Variants in MYNN observed in about 807,000 individuals in gnomAD.
MYNN encodes the protein zinc finger and BTB domain-containing protein 31.
MYNN carries 22 observed loss-of-function variants against 57.2 expected under a neutral mutation model. The ratio of observed to expected loss-of-function variants is 0.38; its 90% confidence interval spans 0.27 to 0.55. MYNN has a LOEUF of 0.55. Among genes scored for constraint, MYNN ranks in the 20% least tolerant of loss-of-function variants. The pLI, the probability that MYNN is intolerant of heterozygous loss-of-function variation, is 0.71. For synonymous variants in MYNN, 241 were observed against 257.1 expected (o/e 0.94, Z 0.60); for missense variants, 566 against 723.1 (o/e 0.78, Z 2.49).
intron 2 of MYNN, among the ~76,000 whole-genome samples, chr3:169,776,409 A>G (rs1360121739): frequency 6.6e-6 from 1 of 152,216 alleles, no homozygotes; most frequent in African/African-American, 2.4e-5. Flanking sequence ...GCTCTTGGAC[A>G]GGTTACTTTA....
In MYNN at chr3:169,786,733, A is replaced by T. The variant is rs1245277659; in HGVS notation, c.*55A>T. On this transcript the variant is annotated 3_prime_UTR_variant, in exon 8 of 8. Transcript: ENST00000349841. Reference sequence around the variant, plus strand: ...ATCATTGGTAGCAAACATCTCTGGTAAGGTGCATATATTCATATTAAATTC... The same window carrying T: ...ATCATTGGTAGCAAACATCTCTGGTTAGGTGCATATATTCATATTAAATTC... The T allele has an allele frequency of 6.5e-7, 1 of 1,536,236 alleles. No homozygotes were observed. The highest frequency in any genetic ancestry group is 8.9e-7 in the Non-Finnish European group (1 of 1,120,786).
intron 4 of MYNN, among the ~76,000 whole-genome samples, chr3:169,781,816 G>A (rs1778526418): frequency 2.0e-5 from 3 of 152,092 alleles, no homozygotes; most frequent in African/African-American, 7.2e-5. Flanking sequence ...GAGAAGAAAT[G>A]GAAGTAGATA....
Position 169,778,801 on chromosome 3 carries a change from CTA to C in MYNN, c.302_303del (p.Tyr101SerfsTer9). ...TTAAAGAAATTCATCAGGCTGCTGACTATCTCAAAGTGGAAGAGGTGGTCACT... is the reference window on the plus strand; with the variant it reads ...TTAAAGAAATTCATCAGGCTGCTGACTCTCAAAGTGGAAGAGGTGGTCACT... ...NVKEIHQAAD[Y>X]LKVEEVVTKC... On this transcript the variant is annotated frameshift_variant, in exon 3 of 8. Coordinates refer to ENST00000349841, the MANE Select transcript of MYNN (RefSeq NM_018657.5). LOFTEE classifies it high-confidence loss of function. The C allele has an allele frequency of 6.2e-7, 1 of 1,606,738 alleles. No homozygotes were observed. Among genetic ancestry groups the C allele is most frequent in the Non-Finnish European group, 8.5e-7 (1 of 1,177,124 alleles).
chr3:169,779,854 G>A (rs941023831), intron 3 of MYNN: 8 of 353,808 alleles, frequency 2.3e-5, no homozygotes, highest in Non-Finnish European at 3.1e-5. Flanking sequence ...AACTGATAAA[G>A]AGAAAATGTA....
rs951439969 is a variant in MYNN, at chr3:169,782,966, T to C, written c.1399+323T>C. On this transcript the variant is annotated intron_variant, in intron 5 of 7. Transcript: ENST00000349841. The surrounding 1 kb of genome is among the most constrained non-coding windows in gnomAD (Gnocchi z 4.8). ...CAGCTTCCTAAAGGGTCATCTCCTA[T>C]AGTTAGGGTTGGGGAGTGGGTTTGG... Among the ~76,000 whole-genome samples the C allele has an allele frequency of 6.6e-6, 1 of 152,146 alleles. No homozygotes were observed. Among genetic ancestry groups the C allele is most frequent in the African/African-American group, 2.4e-5 (1 of 41,452 alleles).
intron 3 of MYNN, 133 bp from the exon 4 acceptor site, chr3:169,780,457 G>C: frequency 1.7e-6 from 1 of 591,558 alleles, no homozygotes; most frequent in Admixed American, 3.8e-5. Flanking sequence ...GTCTGGAAAA[G>C]ATTATATTTG....
chr3:169,776,125 A>G (rs1173950201), intron 2 of MYNN, among the ~76,000 whole-genome samples: 2 of 152,242 alleles, frequency 1.3e-5, no homozygotes, highest in African/African-American at 2.4e-5. Flanking sequence ...AAACAAAAAA[A>G]TCTTCATTTG....
At chr3:169,781,227 C>T (rs1385922464) in intron 4 of MYNN, among the ~76,000 whole-genome samples, 1 of 152,136 alleles carries the variant, frequency 6.6e-6, no homozygotes, top group South Asian at 2.1e-4. Context: ...GGTTTTGGGC[C>T]TGAACCCCTA....
intron 3 of MYNN, 146 bp from the exon 4 acceptor site, chr3:169,780,444 G>T: frequency 2.1e-5 from 11 of 529,262 alleles, no homozygotes; most frequent in African/African-American, 1.4e-4. Flanking sequence ...GGTGTTTTCA[G>T]TGGTCTGGAA....
chr3:169,774,636 TC>T (rs760846648), intron 2 of MYNN, 75 bp downstream of exon 2: 32 of 1,371,472 alleles, frequency 2.3e-5, no homozygotes, highest in Non-Finnish European at 3.0e-5. Flanking sequence ...TTGTATTTTT[TC>T]CATTCATTCT....
At chr3:169,777,639 G>A (rs1778387878) in intron 2 of MYNN, 1 of 152,192 alleles carries the variant, frequency 6.6e-6, no homozygotes, top group South Asian at 2.1e-4. Flanking sequence ...GCCAGAGCCA[G>A]TGCTAGATTA....
At chr3:169,784,764 A>G in intron 7 of MYNN, 56 bp downstream of exon 7, 1 of 1,108,294 alleles carries the variant, frequency 9.0e-7, no homozygotes, top group South Asian at 1.4e-5. Flanking sequence ...TGCTCATATT[A>G]GTGCTATTCC....
intron 6 of MYNN, 31 bp from the exon 7 acceptor site, chr3:169,784,591 T>C (rs778892202): frequency 1.2e-5 from 17 of 1,397,180 alleles, no homozygotes; most frequent in East Asian, 2.4e-5. Flanking sequence ...TTTTAAAATA[T>C]TGAAATTTAA....
chr3:169,779,837 A>C (rs1202083597), intron 3 of MYNN: 2 of 407,232 alleles, frequency 4.9e-6, no homozygotes, highest in Admixed American at 4.0e-5. Context: ...AGAGACAAAG[A>C]CATTAAAACT....
At chr3:169,780,528 T>TATA in intron 3 of MYNN, 62 bp from the exon 4 acceptor site, 1 of 1,240,138 alleles carries the variant, frequency 8.1e-7, no homozygotes, top group Non-Finnish European at 1.1e-6. Context: ...GATGAAATCT[T>TATA]ATATGACTTA....
chr3:169,779,123 T>C lies in MYNN; in HGVS notation c.622T>C (p.Ser208Pro). The part of the protein sequence containing the change: ...QYPSDILENA[S>P]VELFLDANKL... ...TCCCAGTGACATCTTAGAGAATGCA[T>C]CTGTTGAATTATTCCTAGATGCAAA... is the stretch of plus-strand genomic sequence containing the variant. The change falls in exon 3 of 8, where the codon TCT (serine) becomes CCT (proline). Residue 208 changes from serine to proline, a missense_variant. By Grantham distance (74) the Ser-to-Pro change is moderately conservative. Coordinates refer to ENST00000349841, the MANE Select transcript of MYNN (RefSeq NM_018657.5). The C allele has an allele frequency of 1.9e-6, 3 of 1,614,128 alleles. No individual in the cohort carries two copies. The highest frequency in any genetic ancestry group is 2.2e-5 in the East Asian group (1 of 44,886).
chr3:169,786,524 T>G lies in MYNN; in HGVS notation c.1679T>G (p.Met560Arg), dbSNP rs763501903. 1.2e-6 allele frequency: 2 copies of G among 1,613,768 alleles called. No homozygotes were observed. Among genetic ancestry groups the G allele is most frequent in the Non-Finnish European group, 1.7e-6 (2 of 1,179,686 alleles). Residue 560 changes from methionine (M) to arginine (R), a missense_variant, in exon 8 of 8, where the codon ATG becomes AGG. Physicochemically the swap from Met to Arg is moderately conservative, Grantham distance 91. Around this residue, in one of 4 missense-constraint regions of MYNN, gnomAD observed 156 missense variants for 163.9 expected, o/e 0.95. Coordinates refer to ENST00000349841, the MANE Select transcript of MYNN (RefSeq NM_018657.5). Reference protein sequence around the residue: ...SETMDVKPSDMTLPLALPLGT... With the variant: ...SETMDVKPSDRTLPLALPLGT... ...ACTATGGATGTGAAGCCTTCTGATA[T>G]GACTTTACCATTAGCTCTTCCACTT...
rs1162266896 is a variant in MYNN at position 169,786,850 on chromosome 3, G to C, written c.*172G>C. 5 of 665,382 alleles carry C rather than the reference G, an allele frequency of 7.5e-6. No individual in the cohort carries two copies. Among genetic ancestry groups the C allele is most frequent in the Non-Finnish European group, 7.5e-6 (3 of 401,844 alleles). 41.2% of individuals were successfully genotyped at this position (665,382 alleles called of 1,614,324 possible). A position where few individuals can be genotyped will look rare whatever the true frequency, so the allele number is the denominator to read the frequency against. On this transcript the variant is annotated 3_prime_UTR_variant, in exon 8 of 8. Transcript: ENST00000349841. ...AACTGCAATGTTTGTTTTTATTTTT[G>C]GCTTTATGTCTATACTCCACAGAGA...
chr3:169,779,715 A>T, intron 3 of MYNN, 154 bp downstream of exon 3: 1 of 780,390 alleles, frequency 1.3e-6, no homozygotes, highest in Non-Finnish European at 2.0e-6. Flanking sequence ...TTGAAAATTT[A>T]TTTGTAATTG....
Sources: allele counts gnomAD v4.1 joint callset (sites outside exome capture counted in the v4.1 genomes callset), GRCh38; gene constraint gnomAD v4.1.1; regional missense constraint gnomAD v4.1.1; non-coding constraint Gnocchi (gnomAD v3.1); transcripts MANE v1.5; gene names NCBI Gene and HGNC (gene_info 2026-07-23, HGNC 2026-07-21).